Variants in MRPS28 observed in about 807,000 individuals in gnomAD.
MRPS28 encodes the protein small ribosomal subunit protein bS1m.
Under a neutral mutation model 10.8 loss-of-function variants are expected in MRPS28, and 7 were observed. The observed-to-expected ratio is 0.65, with a 90% CI of 0.37 to 1.22. The LOEUF (loss-of-function observed/expected upper bound fraction) is 1.22. Ranked by LOEUF, MRPS28 falls within the 50% of genes most tolerant of loss-of-function variation. MRPS28 has a pLI of 0.02. For missense variants in MRPS28, 265 were observed against 232.9 expected (o/e 1.14, Z -0.90); for synonymous variants, 121 against 93.3 (o/e 1.30, Z -1.71).
At chr8:79,925,762 AG>A (rs1810215562) in intron 2 of MRPS28, among the ~76,000 whole-genome samples, 1 of 152,156 alleles carries the variant, frequency 6.6e-6, no homozygotes, top group Non-Finnish European at 1.5e-5. Flanking sequence ...CCGAGGCAGG[AG>A]GACTGCTTGA....
intron 1 of MRPS28, among the ~76,000 whole-genome samples, chr8:80,003,847 C>A (rs1808741487): frequency 6.6e-6 from 1 of 152,218 alleles, no homozygotes; most frequent in Non-Finnish European, 1.5e-5. Flanking sequence ...ATATCCCATG[C>A]CTGGCTTGGA....
chr8:79,962,621 T>C (rs1021952305), intron 2 of MRPS28, among the ~76,000 whole-genome samples: 15 of 152,134 alleles, frequency 9.9e-5, no homozygotes, highest in Admixed American at 9.2e-4. Context: ...AGTAATCCAA[T>C]AGATTTTTAT....
intron 1 of MRPS28, among the ~76,000 whole-genome samples, chr8:80,008,822 T>C (rs1808943433): frequency 6.6e-6 from 1 of 152,248 alleles, no homozygotes; most frequent in East Asian, 1.9e-4. Flanking sequence ...TTTACACTGT[T>C]GGTGGGACTG....
intron 2 of MRPS28, among the ~76,000 whole-genome samples, chr8:79,969,644 C>T (rs957136857): frequency 2.6e-5 from 4 of 151,932 alleles, no homozygotes; most frequent in South Asian, 2.1e-4. Flanking sequence ...CAGAGGCTGA[C>T]GCAGGAGGAT....
At chr8:79,935,387 A>C (rs1205990733) in intron 2 of MRPS28, among the ~76,000 whole-genome samples, 2 of 151,964 alleles carry the variant, frequency 1.3e-5, no homozygotes, top group East Asian at 3.9e-4. Flanking sequence ...CTAGACAATA[A>C]ACTGTGTGAT....
At chr8:79,962,070 A>AT (rs1586061443) in intron 2 of MRPS28, among the ~76,000 whole-genome samples, 3 of 152,036 alleles carry the variant, frequency 2.0e-5, no homozygotes. Flanking sequence ...TTAATACTTA[A>AT]TTTTTTATCT....
intron 2 of MRPS28, among the ~76,000 whole-genome samples, chr8:79,941,418 A>G (rs1806762310): frequency 6.8e-6 from 1 of 147,342 alleles, no homozygotes; most frequent in Non-Finnish European, 1.5e-5. Context: ...CTCTGTATAT[A>G]ACATTTTGTG....
chr8:79,979,575 G>C (rs1807895645), intron 2 of MRPS28, among the ~76,000 whole-genome samples: 2 of 151,990 alleles, frequency 1.3e-5, no homozygotes, highest in Admixed American at 6.6e-5. Flanking sequence ...CCAGGCTGAA[G>C]TGCAGTGGCA....
At chr8:79,990,694 A>G (rs1302442288) in intron 2 of MRPS28, among the ~76,000 whole-genome samples, 3 of 152,062 alleles carry the variant, frequency 2.0e-5, no homozygotes, top group African/African-American at 7.2e-5. Flanking sequence ...AATGATTAGG[A>G]GAAAGTCACT....
chr8:80,022,554 C>T (rs1809394391), intron 1 of MRPS28, among the ~76,000 whole-genome samples: 1 of 152,196 alleles, frequency 6.6e-6, no homozygotes, highest in Admixed American at 6.5e-5. Context: ...AGACTGAGTC[C>T]ACCACTCATT....
Position 80,030,183 on chromosome 8 carries a change from G to C in MRPS28, c.66C>G (p.Phe22Leu). 6.2e-7 allele frequency: 1 copy of C among 1,614,230 alleles called. No individual in the cohort carries two copies. Among genetic ancestry groups the C allele is most frequent in the East Asian group, 2.2e-5 (1 of 44,888 alleles). Residue 22 changes from phenylalanine to leucine, a missense_variant, in exon 1 of 3, where the codon TTC (phenylalanine) becomes TTG (leucine). Physicochemically the swap from Phe to Leu is conservative, Grantham distance 22. Transcript: ENST00000276585. Reference sequence around the variant, plus strand: ...TGCCTACACCCCGAAAGGGCCTGAAGAAGAGAAACACTCGCAGAAAATGGC... The same window carrying C: ...TGCCTACACCCCGAAAGGGCCTGAACAAGAGAAACACTCGCAGAAAATGGC... ...AESHFLRVFL[F>L]FRPFRGVGTE...
Position 79,919,627 on chromosome 8 carries a change from A to G in MRPS28, c.396-479T>C, listed in dbSNP as rs1363424013. Among the ~76,000 whole-genome samples the G allele has an allele frequency of 3.3e-5, 5 of 152,290 alleles. No homozygotes were observed. The East Asian group carries it at 9.6e-4, about 29-fold the overall frequency. The stretch of plus-strand genomic sequence containing the variant: ...GGGATAACAGGTGTGAGTCACTGCC[A>G]GCTCTAGAATTTTCATCTTAAAAGT... On this transcript the variant is annotated intron_variant, in intron 2 of 2. Transcript: ENST00000276585.
chr8:80,003,276 T>A, intron 1 of MRPS28, 96 bp from the exon 2 acceptor site: 1 of 964,860 alleles, frequency 1.0e-6, no homozygotes, highest in Non-Finnish European at 1.4e-6. Context: ...GTTGTAGCAA[T>A]AATTTTAAAA....
At chr8:79,962,052 G>C (rs1807382933) in intron 2 of MRPS28, among the ~76,000 whole-genome samples, 1 of 151,960 alleles carries the variant, frequency 6.6e-6, no homozygotes, top group South Asian at 2.1e-4. Flanking sequence ...TTCTAAGGTA[G>C]AACATATTTA....
intron 2 of MRPS28, among the ~76,000 whole-genome samples, chr8:79,976,065 T>C (rs1051101691): frequency 4.6e-5 from 7 of 152,058 alleles, no homozygotes; most frequent in Non-Finnish European, 7.4e-5. Context: ...TACTGGCAGA[T>C]TTCTGTTGTT....
chr8:79,980,154 T>G (rs1807917163), intron 2 of MRPS28, among the ~76,000 whole-genome samples: 1 of 152,160 alleles, frequency 6.6e-6, no homozygotes, highest in Admixed American at 6.5e-5. Flanking sequence ...TGATGACAAC[T>G]TTAATTCTCA....
intron 2 of MRPS28, among the ~76,000 whole-genome samples, chr8:79,921,170 C>T (rs1430698182): frequency 6.6e-6 from 1 of 152,056 alleles, no homozygotes; most frequent in South Asian, 2.1e-4. Context: ...GGTACCAGTA[C>T]CATGCTGTTT....
rs57397948 is a variant in MRPS28 at position 79,944,701 on chromosome 8, C to CTTT, written c.396-25556_396-25554dup. Among the ~76,000 whole-genome samples the CTTT allele has an allele frequency of 2.8e-4, 38 of 137,610 alleles. 2 individuals are homozygous for CTTT. Among genetic ancestry groups the CTTT allele is most frequent in the Admixed American group, 5.9e-4 (8 of 13,634 alleles). 90.3% of individuals were successfully genotyped at this position (137,610 alleles called of 152,430 possible). ...GCCATAATTTTTCTTTTTCTTTTTT[C>CTTT]TTTTTTTTTTTTGAGACAAGGTCTC... On this transcript the variant is annotated intron_variant, in intron 2 of 2. Coordinates refer to ENST00000276585, the MANE Select transcript of MRPS28 (RefSeq NM_014018.3).
At chr8:80,018,535 G>A (rs747781488) in intron 1 of MRPS28, among the ~76,000 whole-genome samples, 19 of 152,040 alleles carry the variant, frequency 1.2e-4, no homozygotes, top group Admixed American at 6.5e-4. Flanking sequence ...TACTGTTAGC[G>A]GGAACATAAA....
Sources: gnomAD v4.1 joint callset for allele counts (sites outside exome capture counted in the v4.1 genomes callset) on GRCh38, gnomAD v4.1.1 for gene constraint, MANE v1.5 for transcripts, NCBI Gene and HGNC (gene_info 2026-07-23, HGNC 2026-07-21) for gene names.